PECAM1: variants seen among roughly 807,000 people sequenced by gnomAD.
PECAM1 encodes the protein platelet and endothelial cell adhesion molecule 1.
In PECAM1, 8 loss-of-function variants were observed where a neutral mutation model predicts 13.8. That is an observed-to-expected ratio of 0.58 (90% CI 0.34 to 1.05). The LOEUF (loss-of-function observed/expected upper bound fraction) is 1.05. PECAM1 is among the 50% of genes least tolerant of loss of function. The pLI, the probability that PECAM1 is intolerant of heterozygous loss-of-function variation, is 0.03. For synonymous variants in PECAM1, 136 were observed against 52.6 expected, an observed-to-expected ratio of 2.58 and a Z score of -6.86; for missense variants, 304 against 141.2, an observed-to-expected ratio of 2.15 and a Z score of -5.84.
chr17:64,353,316 C>T (rs879198491), intron 10 of PECAM1, among the ~76,000 whole-genome samples, 175 bp downstream of exon 10: 1,616 of 149,314 alleles, frequency 0.011, 21 homozygotes, highest in African/African-American at 0.032. Flanking sequence ...TACACACACA[C>T]ACACACACAC....
At chr17:64,342,291 G>C (rs923091957) in intron 13 of PECAM1, among the ~76,000 whole-genome samples, 99 of 152,302 alleles carry the variant, frequency 6.5e-4, no homozygotes, top group African/African-American at 2.4e-3. Context: ...CGGATGGAGA[G>C]GCCCCCAGCA....
Position 64,349,386 on chromosome 17 carries a change from G to C in PECAM1, c.2044+994C>G, listed in dbSNP as rs1271855235. Reference sequence around the variant, plus strand: ...GCAGATCACCTGAGGTCAGGAGTTCGAGATCAGTCTGGCCAACATGGTAAA... The same window carrying C: ...GCAGATCACCTGAGGTCAGGAGTTCCAGATCAGTCTGGCCAACATGGTAAA... On this transcript the variant is annotated intron_variant, in intron 12 of 15. Coordinates refer to ENST00000563924, the MANE Select transcript of PECAM1 (RefSeq NM_000442.5). Among the ~76,000 whole-genome samples, 10 of 151,848 alleles carry C rather than the reference G, an allele frequency of 6.6e-5. 1 individual carries two copies. The highest frequency in any genetic ancestry group is 3.9e-4 in the East Asian group (2 of 5,170).
intron 13 of PECAM1, among the ~76,000 whole-genome samples, chr17:64,347,615 TAAAAATA>T (rs1224419555): frequency 2.1e-5 from 3 of 142,432 alleles, no homozygotes; most frequent in Non-Finnish European, 3.1e-5. Flanking sequence ...ATAAAATATA[TAAAAATA>T]AAAAATAAAA....
chr17:64,348,654 T>C (rs1307815041), intron 12 of PECAM1, among the ~76,000 whole-genome samples: 1 of 152,064 alleles, frequency 6.6e-6, no homozygotes, highest in Non-Finnish European at 1.5e-5. Flanking sequence ...GCCAGGCTGG[T>C]TTTGAACTCC....
At position 64,360,658 on chromosome 17, in the gene PECAM1, C is replaced by T. The variant is rs1421202796; in HGVS notation, c.1217-243G>A. Among the ~76,000 whole-genome samples the T allele has an allele frequency of 4.8e-5, 7 of 145,416 alleles. No individual in the cohort carries two copies. The East Asian group carries it at 1.3e-3, about 26-fold the overall frequency. On this transcript the variant is annotated intron_variant, in intron 6 of 15. Transcript: ENST00000563924. Reference sequence around the variant, plus strand: ...GGAAAGAGAAGTACAATAAGCAAAACAGAGAATGACAGAAATTCAAGGAAA... The same window carrying T: ...GGAAAGAGAAGTACAATAAGCAAAATAGAGAATGACAGAAATTCAAGGAAA...
At position 64,390,144 on chromosome 17, in the gene PECAM1, C is replaced by T. The variant is rs2036685038; in HGVS notation, c.91+345G>A. 2 of 284,592 alleles carry T rather than the reference C, an allele frequency of 7.0e-6. 1 individual carries two copies. Among genetic ancestry groups the T allele is most frequent in the African/African-American group, 4.3e-5 (2 of 46,020 alleles). The allele number at this position is 284,592 out of a possible 1,614,324, so 17.6% of individuals were successfully genotyped here. ...GGCAAAAACCACAATTACTTTGCAA[C>T]AACCTAATATATTTTTAGACTAGTC... On this transcript the variant is annotated intron_variant, in intron 2 of 15. Coordinates refer to ENST00000563924, the MANE Select transcript of PECAM1 (RefSeq NM_000442.5).
rs1281574809 is a variant in PECAM1, at chr17:64,322,725, G to GT, written c.*1090dup. 8.7e-5 allele frequency: 82 copies of GT among 937,300 alleles called. No individual in the cohort carries two copies. In the African/African-American group the frequency reaches 1.2e-3, roughly 14 times the overall value. The allele number at this position is 937,300 out of a possible 1,614,324, so 58.1% of individuals were successfully genotyped here. The stretch of plus-strand genomic sequence containing the variant: ...TCTTTAGCAAGCAATTTTGTTTTTT[G>GT]TTTTTTTTGAGATGGATTCTCACTC... On this transcript the variant is annotated 3_prime_UTR_variant, in exon 16 of 16. Transcript: ENST00000563924.
intron 4 of PECAM1, among the ~76,000 whole-genome samples, chr17:64,372,250 A>G (rs2036258389): frequency 6.6e-6 from 1 of 152,132 alleles, no homozygotes; most frequent in Non-Finnish European, 1.5e-5. Context: ...TCTCTATTTA[A>G]AAAAGAAAGA....
At chr17:64,352,779 C>A (rs898100450) in intron 10 of PECAM1, among the ~76,000 whole-genome samples, 1 of 151,942 alleles carries the variant, frequency 6.6e-6, no homozygotes, top group Non-Finnish European at 1.5e-5. Flanking sequence ...CTCAGCCTCC[C>A]GAGTAGCTGG....
chr17:64,320,020 T>G lies in PECAM1; in HGVS notation c.*3796A>C, dbSNP rs2034789416. 6.6e-6 allele frequency: 1 copy of G among 152,226 alleles called. No homozygotes were observed. The highest frequency in any genetic ancestry group is 1.5e-5 in the Non-Finnish European group (1 of 68,068). 9.4% of individuals were successfully genotyped at this position (152,226 alleles called of 1,614,324 possible). The stretch of plus-strand genomic sequence containing the variant: ...GCTCCCTACTCTAACATTTCCACTC[T>G]GTGGACCCCAGGTTGAGATCTTCTG... On this transcript the variant is annotated 3_prime_UTR_variant, in exon 16 of 16. Transcript: ENST00000563924.
rs1349322529 is a variant in PECAM1 at position 64,378,010 on chromosome 17, C to T, written c.199G>A (p.Val67Ile). 8 of 475,290 alleles carry T rather than the reference C, an allele frequency of 1.7e-5. No individual in the cohort carries two copies. Among genetic ancestry groups the T allele is most frequent in the Admixed American group, 3.2e-5 (1 of 31,740 alleles). 29.4% of individuals were successfully genotyped at this position (475,290 alleles called of 1,614,324 possible). A position where few individuals can be genotyped will look rare whatever the true frequency, so the allele number is the denominator to read the frequency against. The change falls in exon 3 of 16, where the codon GTC becomes ATC. Residue 67 changes from valine to isoleucine, a missense_variant. Physicochemically the swap from Val to Ile is conservative, Grantham distance 29. Transcript: ENST00000563924. The stretch of plus-strand genomic sequence containing the variant: ...AACAGCATCTGGTGCTGAGGCTTGA[C>T]GTGAGAGGTGGTGCTGACATCCGCG... Reference protein sequence around the residue: ...CFADVSTTSHVKPQHQMLFYK... With the variant: ...CFADVSTTSHIKPQHQMLFYK...
chr17:64,332,419 C>T (rs994096798), intron 14 of PECAM1, among the ~76,000 whole-genome samples: 2 of 152,210 alleles, frequency 1.3e-5, no homozygotes, highest in Non-Finnish European at 2.9e-5. Context: ...AATCTGAAGA[C>T]AAAATGTGAA....
At chr17:64,347,574 T>C (rs1407080413) in intron 13 of PECAM1, among the ~76,000 whole-genome samples, 2 of 134,166 alleles carry the variant, frequency 1.5e-5, no homozygotes, top group Non-Finnish European at 3.2e-5. Flanking sequence ...ATAAAAAATA[T>C]ATAAATAATA....
In PECAM1 at chr17:64,323,492, C is replaced by T; in HGVS notation, c.*324G>A. On this transcript the variant is annotated 3_prime_UTR_variant, in exon 16 of 16. Transcript: ENST00000563924. ...TGCATGGAAAAGGTCTTTATCTCTG[C>T]ACAAAACAAAATATTCAAGTTTCAG... 1 of 1,295,310 alleles carries T rather than the reference C, an allele frequency of 7.7e-7. No individual in the cohort carries two copies. Among genetic ancestry groups the T allele is most frequent in the Non-Finnish European group, 9.9e-7 (1 of 1,013,506 alleles). The allele number at this position is 1,295,310 out of a possible 1,614,324, so 80.2% of individuals were successfully genotyped here.
intron 15 of PECAM1, among the ~76,000 whole-genome samples, chr17:64,324,733 A>G (rs2034898084): frequency 6.6e-6 from 1 of 152,280 alleles, no homozygotes; most frequent in African/African-American, 2.4e-5. Context: ...TTTTCAACAC[A>G]GGAAAACCTT....
At chr17:64,353,428 C>A in intron 10 of PECAM1, 63 bp downstream of exon 10, 1 of 441,342 alleles carries the variant, frequency 2.3e-6, no homozygotes, top group Non-Finnish European at 4.1e-6. Flanking sequence ...TGACCAGAAT[C>A]TCCCTCCAGA....
chr17:64,319,768 C>G lies in PECAM1; in HGVS notation c.*4048G>C, dbSNP rs1022588399. On this transcript the variant is annotated 3_prime_UTR_variant, in exon 16 of 16. Transcript: ENST00000563924. ...CTGGTTAAATTCCGCCATTTTGCCT[C>G]TTGGTGCGCATGCTCCAGGCTGCTT... 1 of 152,216 alleles carries G rather than the reference C, an allele frequency of 6.6e-6. No homozygotes were observed. The highest frequency in any genetic ancestry group is 6.5e-5 in the Admixed American group (1 of 15,274). The allele number at this position is 152,216 out of a possible 1,614,324, so 9.4% of individuals were successfully genotyped here.
At chr17:64,332,301 T>C (rs2035144747) in intron 14 of PECAM1, among the ~76,000 whole-genome samples, 1 of 151,832 alleles carries the variant, frequency 6.6e-6, no homozygotes. Context: ...AAATCTGACC[T>C]GCAAGGACCC....
chr17:64,337,568 C>T (rs1234475102), intron 14 of PECAM1, among the ~76,000 whole-genome samples: 3 of 152,146 alleles, frequency 2.0e-5, no homozygotes, highest in Non-Finnish European at 4.4e-5. Context: ...GTCACAGTAA[C>T]TCAGCTGATT....
Sources: allele counts gnomAD v4.1 joint callset (sites outside exome capture counted in the v4.1 genomes callset), GRCh38; gene constraint gnomAD v4.1.1; transcripts MANE v1.5; gene names NCBI Gene and HGNC (gene_info 2026-07-23, HGNC 2026-07-21).